The following NOP14 variants were observed in gnomAD, a reference collection of about 807,000 sequenced individuals.
NOP14 encodes nucleolar protein 14.
A neutral mutation model predicts 101.6 loss-of-function variants in NOP14; 57 were observed. That is an observed-to-expected ratio of 0.56 (90% confidence interval 0.45 to 0.70). NOP14 has a LOEUF of 0.70. Among genes scored for constraint, NOP14 ranks in the 30% least tolerant of loss-of-function variants. NOP14 has a pLI of 0.00. For synonymous variants in NOP14, 428 were observed against 424.0 expected, an observed-to-expected ratio of 1.01 and a Z score of -0.12; for missense variants, 1,134 against 1,075.5, an observed-to-expected ratio of 1.05 and a Z score of -0.76.
chr4:2,945,189 G>T lies in NOP14; in HGVS notation c.1676C>A (p.Ser559Tyr). The T allele has an allele frequency of 6.3e-7, 1 of 1,588,446 alleles. No homozygotes were observed. Among genetic ancestry groups the T allele is most frequent in the African/African-American group, 1.3e-5 (1 of 74,722 alleles). Residue 559 changes from serine to tyrosine, a missense_variant, in exon 12 of 18, where the codon TCC becomes TAC. Coordinates refer to ENST00000416614, the MANE Select transcript of NOP14 (RefSeq NM_001291978.2). ...GGTCACCACTGGGTGCCAGAAGTCGGAAGTTGGAAATAGCAGCCCAGTGAT... is the reference window on the plus strand; with the variant it reads ...GGTCACCACTGGGTGCCAGAAGTCGTAAGTTGGAAATAGCAGCCCAGTGAT... Reference protein sequence around the residue: ...LKITGLLFPTSDFWHPVVTPA... With the variant: ...LKITGLLFPTYDFWHPVVTPA...
In NOP14 at chr4:2,946,478, A is replaced by G; in HGVS notation, c.1569T>C (p.Asp523=). The G allele has an allele frequency of 1.9e-6, 3 of 1,614,234 alleles. No homozygotes were observed. Among genetic ancestry groups the G allele is most frequent in the Non-Finnish European group, 2.5e-6 (3 of 1,180,032 alleles). The change falls in exon 11 of 18, where the codon GAT becomes GAC. Residue 523 remains aspartate, a synonymous_variant. Coordinates refer to ENST00000416614, the MANE Select transcript of NOP14 (RefSeq NM_001291978.2). ...TCATTTCTTCCATCTCATGCATCGC[A>G]TCTCGGAGAACAAATTTGATAGCGT... ...ASDAIKFVLR[D]AMHEMEEMIE...
At chr4:2,960,690 T>C (rs1274801555) in intron 1 of NOP14, among the ~76,000 whole-genome samples, 5 of 137,670 alleles carry the variant, frequency 3.6e-5, no homozygotes, top group African/African-American at 5.7e-5. Flanking sequence ...ATTAATATTA[T>C]AATCACATTA....
rs759104979 is a variant in NOP14 at position 2,938,882 on chromosome 4, A to G, written c.2523T>C (p.Ala841=). 5.0e-6 allele frequency: 8 copies of G among 1,614,182 alleles called. No homozygotes were observed. The South Asian group carries it at 7.7e-5, about 16-fold the overall frequency. The stretch of plus-strand genomic sequence containing the variant: ...GAGCCTTCCATTCGCCTTCCTGTGT[A>G]GCCAGGCTGTTAAAAAGCTGCTTTA... ...RKVKQLFNSL[A]TQEGEWKALK... Residue 841 remains alanine, a synonymous_variant, in exon 18 of 18, where the codon GCT becomes GCC. Transcript: ENST00000416614.
rs547288508 is a variant in NOP14, at chr4:2,960,058, C to T, written c.196-2318G>A. Among the ~76,000 whole-genome samples the T allele has an allele frequency of 4.3e-4, 66 of 152,114 alleles. 1 individual carries two copies. The highest frequency in any genetic ancestry group is 1.3e-3 in the African/African-American group (56 of 41,502). ...AATCTCAGCTCACTACAACCTCCAC[C>T]TGCCGGGTTCAAGCAATTCTCCTGC... is the stretch of plus-strand genomic sequence containing the variant. On this transcript the variant is annotated intron_variant, in intron 1 of 17. Transcript: ENST00000416614.
intron 10 of NOP14, 154 bp downstream of exon 10, chr4:2,947,372 T>C: frequency 1.6e-6 from 1 of 626,410 alleles, no homozygotes; most frequent in Non-Finnish European, 2.8e-6. Context: ...GCTGTGAGGC[T>C]CACAAGCCCT....
intron 1 of NOP14, among the ~76,000 whole-genome samples, chr4:2,962,524 CAAG>C (rs1716108622): frequency 6.6e-6 from 1 of 152,132 alleles, no homozygotes; most frequent in Non-Finnish European, 1.5e-5. Context: ...CTCGGGGTAG[CAAG>C]AAGGCTTTGT....
chr4:2,938,004 T>A lies in NOP14; in HGVS notation c.*827A>T, dbSNP rs1335154584. The stretch of plus-strand genomic sequence containing the variant: ...TTCTACACATGAAGGCAAACGTCCG[T>A]GGTTGACAGAAATTACACTGGCCAG... On this transcript the variant is annotated 3_prime_UTR_variant, in exon 18 of 18. Coordinates refer to ENST00000416614, the MANE Select transcript of NOP14 (RefSeq NM_001291978.2). 1 of 224,638 alleles carries A rather than the reference T, an allele frequency of 4.5e-6. No individual in the cohort carries two copies. Among genetic ancestry groups the A allele is most frequent in the Non-Finnish European group, 9.1e-6 (1 of 110,404 alleles). The allele number at this position is 224,638 out of a possible 1,614,324, so 13.9% of individuals were successfully genotyped here. A position where few individuals can be genotyped will look rare whatever the true frequency, so the allele number is the denominator to read the frequency against.
chr4:2,951,836 G>A (rs1399280497), intron 6 of NOP14, among the ~76,000 whole-genome samples: 4 of 152,162 alleles, frequency 2.6e-5, no homozygotes, highest in Non-Finnish European at 2.9e-5. Flanking sequence ...GGCCAGGCGC[G>A]GTGGCTCACA....
intron 6 of NOP14, 151 bp downstream of exon 6, chr4:2,952,124 A>AT: frequency 4.2e-5 from 27 of 636,304 alleles, no homozygotes; most frequent in Non-Finnish European, 5.7e-5. Flanking sequence ...AAAAAAAAAA[A>AT]GGTATTCATG....
chr4:2,957,629 T>G lies in NOP14; in HGVS notation c.307A>C (p.Lys103Gln), dbSNP rs563163423. The change falls in exon 2 of 18, where the codon AAG becomes CAG. Residue 103 changes from lysine (K) to glutamine (Q), a missense_variant. Transcript: ENST00000416614. Reference protein sequence around the residue: ...SNMSPEEKMMKRFALEQQRHH... With the variant: ...SNMSPEEKMMQRFALEQQRHH... The stretch of plus-strand genomic sequence containing the variant: ...ACCTGCTGTTCCAGAGCAAACCTCT[T>G]CATCATCTTCTCCTCGGGGCTCATG... The G allele has an allele frequency of 2.6e-5, 42 of 1,614,058 alleles. No individual in the cohort carries two copies. The highest frequency in any genetic ancestry group is 5.0e-5 in the Admixed American group (3 of 60,002).
rs1351906671 is a variant in NOP14 at position 2,956,753 on chromosome 4, T to C, written c.389A>G (p.Tyr130Cys). The C allele has an allele frequency of 6.2e-7, 1 of 1,612,900 alleles. No homozygotes were observed. Among genetic ancestry groups the C allele is most frequent in the African/African-American group, 1.3e-5 (1 of 74,868 alleles). The change falls in exon 3 of 18, where the codon TAT becomes TGT. Residue 130 changes from tyrosine (Y) to cysteine (C), a missense_variant. By Grantham distance (194) the Tyr-to-Cys change is radical (BLOSUM62 -2). Transcript: ENST00000416614. ...NLNEDEELTH[Y>C]GQSLADIEKH... ...CTCGATGTCTGCCAAAGACTGGCCA[T>C]AATGAGTCAATTCTTCATCTTCATT...
At chr4:2,958,765 G>A (rs969794687) in intron 1 of NOP14, among the ~76,000 whole-genome samples, 2 of 152,204 alleles carry the variant, frequency 1.3e-5, no homozygotes, top group African/African-American at 2.4e-5. Flanking sequence ...TCCAAGTTCT[G>A]TTTCAGGAGG....
chr4:2,955,146 CCCACGGCGCCCCCTCTAGTCACCTGCACG>C (rs1715263504), intron 3 of NOP14, among the ~76,000 whole-genome samples: 4 of 106,710 alleles, frequency 3.7e-5, no homozygotes, highest in East Asian at 6.2e-4. Context: ...TCACCTGCAC[CCCACGGCGCCCCCTCTAGTCACCTGCACG>C]CCACGGCGCC....
At position 2,939,517 on chromosome 4, in the gene NOP14, C is replaced by T. The variant is rs747783011; in HGVS notation, c.2318+10G>A. On this transcript the variant is annotated intron_variant, in intron 16 of 17. Transcript: ENST00000416614. ...CCCTGGCCTCCCAGGGAGATGCTGC[C>T]AGCACCCACACTTTGACCAGCCGGG... is the stretch of plus-strand genomic sequence containing the variant. The T allele has an allele frequency of 1.2e-6, 2 of 1,612,010 alleles. No individual in the cohort carries two copies. Among genetic ancestry groups the T allele is most frequent in the African/African-American group, 1.3e-5 (1 of 74,902 alleles).
At chr4:2,943,299 G>A (rs1714359852) in intron 13 of NOP14, among the ~76,000 whole-genome samples, 1 of 152,236 alleles carries the variant, frequency 6.6e-6, no homozygotes, top group Non-Finnish European at 1.5e-5. Flanking sequence ...GGACATGCAG[G>A]CGCTTAGCAC....
chr4:2,947,066 C>T (rs113405404), intron 10 of NOP14: 22 of 235,048 alleles, frequency 9.4e-5, no homozygotes, highest in African/African-American at 5.1e-4. Flanking sequence ...GTCACACAGC[C>T]TTAGAGGGCA....
In NOP14 at chr4:2,939,577, C is replaced by G. The variant is rs755773698; in HGVS notation, c.2268G>C (p.Glu756Asp). ...GCTTCAGTGGGACAGGCTTGCTCTT[C>G]TCACAGGTCAGCGGCCGGCAGAGCT... ...QKQLCRPLTC[E>D]KSKPVPLKLF... The change falls in exon 16 of 18, where the codon GAG (glutamate) becomes GAC (aspartate). Residue 756 changes from glutamate (E) to aspartate (D), a missense_variant. By Grantham distance (45) the Glu-to-Asp change is conservative. Coordinates refer to ENST00000416614, the MANE Select transcript of NOP14 (RefSeq NM_001291978.2). 6.2e-6 allele frequency: 10 copies of G among 1,613,994 alleles called. No homozygotes were observed. In the East Asian group the frequency reaches 2.2e-4, roughly 36 times the overall value.
intron 15 of NOP14, 23 bp downstream of exon 15, chr4:2,941,559 C>T (rs777998752): frequency 1.8e-5 from 29 of 1,608,046 alleles, no homozygotes; most frequent in Admixed American, 3.4e-5. Context: ...AGGCAGAGCA[C>T]CCTAGTGGCC....
At chr4:2,959,418 C>G (rs989836668) in intron 1 of NOP14, among the ~76,000 whole-genome samples, 1 of 152,050 alleles carries the variant, frequency 6.6e-6, no homozygotes, top group Admixed American at 6.6e-5. Flanking sequence ...TGGTGAAACC[C>G]CGTCTCTACT....
Sources: allele counts gnomAD v4.1 joint callset (sites outside exome capture counted in the v4.1 genomes callset), GRCh38; gene constraint gnomAD v4.1.1; transcripts MANE v1.5; gene names NCBI Gene and HGNC (gene_info 2026-07-23, HGNC 2026-07-21).